Variants in REV3L observed in about 807,000 individuals in gnomAD.
The protein encoded by REV3L is DNA polymerase zeta catalytic subunit.
Under a neutral mutation model 299.4 loss-of-function variants are expected in REV3L, and 69 were observed. That is an observed-to-expected ratio of 0.23 (90% confidence interval 0.19 to 0.28). REV3L has a LOEUF of 0.28. Ranked by LOEUF, REV3L falls within the 10% of genes least tolerant of loss-of-function variation. The pLI, the probability that REV3L is intolerant of heterozygous loss-of-function variation, is 1.00. For synonymous variants in REV3L, 1,238 were observed against 1,271.4 expected, an observed-to-expected ratio of 0.97 and a Z score of 0.56; for missense variants, 3,128 against 3,693.8, an observed-to-expected ratio of 0.85 and a Z score of 3.97.
intron 1 of REV3L, among the ~76,000 whole-genome samples, chr6:111,459,427 C>T (rs767681236): frequency 6.6e-6 from 1 of 151,920 alleles, no homozygotes; most frequent in South Asian, 2.1e-4. Flanking sequence ...CAAAAACTGA[C>T]AAGTAGGACC....
chr6:111,458,618 T>C (rs910592858), intron 1 of REV3L, among the ~76,000 whole-genome samples: 1 of 151,992 alleles, frequency 6.6e-6, no homozygotes, highest in African/African-American at 2.4e-5. Context: ...CAAAAATCAG[T>C]AGCATTTCTA....
chr6:111,314,056 C>CTTA (rs1236716050), intron 27 of REV3L, among the ~76,000 whole-genome samples: 4 of 152,194 alleles, frequency 2.6e-5, no homozygotes, highest in Admixed American at 6.5e-5. Flanking sequence ...CAAGAGACTG[C>CTTA]TTATATACAT....
Position 111,373,678 on chromosome 6 carries a change from T to A in REV3L, c.4677A>T (p.Lys1559Asn). ...TATGCTCAAGGGAACCAGAAATATT[T>A]TTATTTGGTTGATGTTTATTGGATA... Reference protein sequence around the residue: ...DPLSNKHQPNKNISGSLEHNK... With the variant: ...DPLSNKHQPNNNISGSLEHNK... The change falls in exon 13 of 32, where the codon AAA becomes AAT. Residue 1559 changes from lysine (K) to asparagine (N), a missense_variant. By Grantham distance (94) the Lys-to-Asn change is moderately conservative. This residue lies in a region of REV3L where 2,409 missense variants were observed against 2,611.8 expected (regional missense o/e 0.92). Coordinates refer to ENST00000368802, the MANE Select transcript of REV3L (RefSeq NM_001372078.1). 2 of 1,614,026 alleles carry A rather than the reference T, an allele frequency of 1.2e-6. No homozygotes were observed. Among genetic ancestry groups the A allele is most frequent in the Non-Finnish European group, 1.7e-6 (2 of 1,179,980 alleles).
intron 18 of REV3L, 56 bp downstream of exon 18, chr6:111,356,958 T>C (rs1027175324): frequency 8.1e-6 from 7 of 867,746 alleles, no homozygotes; most frequent in Non-Finnish European, 1.3e-5. Flanking sequence ...TTATCTGCAA[T>C]AGCATGAAAC....
intron 31 of REV3L, 105 bp downstream of exon 31, chr6:111,307,256 A>C (rs1400902278): frequency 2.1e-6 from 2 of 934,472 alleles, no homozygotes; most frequent in African/African-American, 3.2e-5. Context: ...TCTTCATTTC[A>C]CTTTTCACAC....
chr6:111,422,778 A>C (rs1461048825), intron 1 of REV3L, among the ~76,000 whole-genome samples: 2 of 148,958 alleles, frequency 1.3e-5, no homozygotes, highest in African/African-American at 4.9e-5. Flanking sequence ...ATAACCCAGA[A>C]ACTTAAAAGG....
At chr6:111,411,252 C>G (rs181296116) in intron 3 of REV3L, among the ~76,000 whole-genome samples, 4 of 152,250 alleles carry the variant, frequency 2.6e-5, no homozygotes, top group African/African-American at 9.6e-5. Flanking sequence ...CCTACTTCTA[C>G]GAACTCTCTA....
chr6:111,479,114 CA>C (rs1156824369), intron 1 of REV3L, among the ~76,000 whole-genome samples: 2 of 152,172 alleles, frequency 1.3e-5, no homozygotes, highest in Non-Finnish European at 2.9e-5. Context: ...CCACCTCAGT[CA>C]AATCCTTAAA....
At chr6:111,301,479 C>T (rs909689914) in intron 31 of REV3L, among the ~76,000 whole-genome samples, 4 of 151,780 alleles carry the variant, frequency 2.6e-5, no homozygotes, top group Non-Finnish European at 5.9e-5. Context: ...TGTGATGTCA[C>T]CCCCAGAGAC....
rs564916353 is a variant in REV3L at position 111,471,502 on chromosome 6, T to C, written c.139+11248A>G. Reference sequence around the variant, plus strand: ...ATTTCAATTCAAACATTTTAAAGAGTACTCAGTATATGAGGTAATGTAGCA... The same window carrying C: ...ATTTCAATTCAAACATTTTAAAGAGCACTCAGTATATGAGGTAATGTAGCA... On this transcript the variant is annotated intron_variant, in intron 1 of 31. Transcript: ENST00000368802. 8.5e-5 allele frequency among the ~76,000 whole-genome samples: 13 copies of C among 152,240 alleles called. No homozygotes were observed. In the East Asian group the frequency reaches 2.3e-3, roughly 27 times the overall value.
chr6:111,430,679 G>A (rs17807666), intron 1 of REV3L: 1 of 1,522,412 alleles, frequency 6.6e-7, no homozygotes, highest in Non-Finnish European at 9.1e-7. Context: ...CAAAGCACAC[G>A]CCTTCAAGAG....
chr6:111,482,811 G>GCC lies in REV3L; in HGVS notation c.77_78insGG (p.Leu27AlafsTer66). 1 of 1,509,868 alleles carries GCC rather than the reference G, an allele frequency of 6.6e-7. No homozygotes were observed. Among genetic ancestry groups the GCC allele is most frequent in the Non-Finnish European group, 8.8e-7 (1 of 1,133,662 alleles). The allele number at this position is 1,509,868 out of a possible 1,614,324, so 93.5% of individuals were successfully genotyped here. A position where few individuals can be genotyped will look rare whatever the true frequency, so the allele number is the denominator to read the frequency against. ...CCTTCTTGACAGGGGCCTGGGTGAG[G>GCC]GGGGATTGGCAGGTATCCAGCCCCT... is the stretch of plus-strand genomic sequence containing the variant. On this transcript the variant is annotated frameshift_variant, in exon 1 of 32. Coordinates refer to ENST00000368802, the MANE Select transcript of REV3L (RefSeq NM_001372078.1). LOFTEE classifies it high-confidence loss of function.
chr6:111,393,687 CT>C (rs1782177607), intron 4 of REV3L, among the ~76,000 whole-genome samples: 3 of 151,894 alleles, frequency 2.0e-5, no homozygotes, highest in Non-Finnish European at 4.4e-5. Context: ...CCTCTAGTAA[CT>C]ACCTTTCTTC....
intron 1 of REV3L, among the ~76,000 whole-genome samples, chr6:111,416,683 C>T (rs1784798717): frequency 6.6e-6 from 1 of 152,190 alleles, no homozygotes; most frequent in South Asian, 2.1e-4. Context: ...CATTGTATAA[C>T]AGTATGACTT....
chr6:111,419,490 C>T (rs547287134), intron 1 of REV3L, among the ~76,000 whole-genome samples: 33 of 152,280 alleles, frequency 2.2e-4, no homozygotes, highest in Admixed American at 1.3e-3. Context: ...CTAGCTCTAC[C>T]TCACACAAAT....
At chr6:111,305,393 C>T (rs893586684) in intron 31 of REV3L, among the ~76,000 whole-genome samples, 5 of 151,772 alleles carry the variant, frequency 3.3e-5, no homozygotes, top group Non-Finnish European at 7.4e-5. Context: ...CAGTTTGAGA[C>T]CAGCCTGGGC....
At chr6:111,415,772 G>C (rs781146745) in intron 2 of REV3L, among the ~76,000 whole-genome samples, 7 of 151,810 alleles carry the variant, frequency 4.6e-5, no homozygotes, top group Non-Finnish European at 8.8e-5. Flanking sequence ...CTCTAAAATT[G>C]TCACTAGTCT....
At chr6:111,385,001 A>G (rs996423200) in intron 9 of REV3L, among the ~76,000 whole-genome samples, 2 of 152,214 alleles carry the variant, frequency 1.3e-5, no homozygotes, top group Admixed American at 6.5e-5. Flanking sequence ...CCAGGCACAG[A>G]AAGACAAACT....
chr6:111,348,338 G>A (rs1437339273), intron 20 of REV3L, among the ~76,000 whole-genome samples: 3 of 152,102 alleles, frequency 2.0e-5, no homozygotes, highest in African/African-American at 7.2e-5. Flanking sequence ...CTTTTTGTGT[G>A]TGAAATAATT....
Sources: allele counts gnomAD v4.1 joint callset (sites outside exome capture counted in the v4.1 genomes callset), GRCh38; gene constraint gnomAD v4.1.1; regional missense constraint gnomAD v4.1.1; transcripts MANE v1.5; gene names NCBI Gene and HGNC (gene_info 2026-07-23, HGNC 2026-07-21).